The following SORCS3 variants were observed in gnomAD, a reference collection of about 807,000 sequenced individuals.
SORCS3 encodes the protein VPS10 domain-containing receptor SorCS3.
A neutral mutation model predicts 146.3 loss-of-function variants in SORCS3; 57 were observed. The observed-to-expected ratio is 0.39, with a 90% CI of 0.31 to 0.49. The LOEUF (loss-of-function observed/expected upper bound fraction) is 0.49. Among genes scored for constraint, SORCS3 ranks in the 20% least tolerant of loss-of-function variants. SORCS3 has a pLI of 0.92. For synonymous variants in SORCS3, 653 were observed against 618.5 expected (o/e 1.06, Z -0.83); for missense variants, 1,341 against 1,575.5 (o/e 0.85, Z 2.52).
intron 10 of SORCS3, among the ~76,000 whole-genome samples, chr10:105,157,744 T>G (rs1196850389): frequency 6.6e-6 from 1 of 152,120 alleles, no homozygotes; most frequent in African/African-American, 2.4e-5. Flanking sequence ...AGGATTCCTG[T>G]TGTATGGGAT....
chr10:105,113,004 C>T (rs992526007), intron 7 of SORCS3, among the ~76,000 whole-genome samples: 3 of 152,206 alleles, frequency 2.0e-5, no homozygotes, highest in Non-Finnish European at 4.4e-5. Flanking sequence ...CGTCCTTTCC[C>T]ACCCTTATGT....
intron 3 of SORCS3, among the ~76,000 whole-genome samples, chr10:104,948,288 G>T (rs188809165): frequency 1.1e-3 from 169 of 152,256 alleles, no homozygotes; most frequent in Non-Finnish European, 2.2e-3. Context: ...AGTTGCAAAG[G>T]GTAGTGTGCA....
In SORCS3 at chr10:105,243,461, GCTTGACTTCATCTCTCTT is replaced by G. The variant is rs574610840; in HGVS notation, c.2869-2078_2869-2061del. ...ATGGCCCTGAGCTATGCTCAGCCCA[GCTTGACTTCATCTCTCTT>G]CTCCAAACAGGACCATAAACAGCCA... is the stretch of plus-strand genomic sequence containing the variant. On this transcript the variant is annotated intron_variant, in intron 20 of 26. Transcript: ENST00000369701. Among the ~76,000 whole-genome samples the G allele has an allele frequency of 1.6e-4, 24 of 152,240 alleles. 1 individual carries two copies. The South Asian group carries it at 5.0e-3, about 32-fold the overall frequency.
intron 16 of SORCS3, among the ~76,000 whole-genome samples, chr10:105,203,271 T>C (rs1245491315): frequency 6.6e-6 from 1 of 152,214 alleles, no homozygotes; most frequent in African/African-American, 2.4e-5. Context: ...TGTGACCATT[T>C]TGAGCCCTTG....
chr10:105,046,254 A>G (rs2055370851), intron 5 of SORCS3, among the ~76,000 whole-genome samples: 1 of 152,120 alleles, frequency 6.6e-6, no homozygotes, highest in East Asian at 1.9e-4. Context: ...CAGAAGAAAT[A>G]TTACAAATAA....
At chr10:104,986,524 G>T (rs944950409) in intron 4 of SORCS3, among the ~76,000 whole-genome samples, 2 of 152,174 alleles carry the variant, frequency 1.3e-5, no homozygotes, top group Admixed American at 1.3e-4. Context: ...CAATGTGGCT[G>T]TTTGGCGCAA....
At chr10:105,255,907 T>C (rs1214011329) in intron 24 of SORCS3, 106 bp downstream of exon 24, 19 of 874,964 alleles carry the variant, frequency 2.2e-5, no homozygotes. Flanking sequence ...TGAAAGTGGC[T>C]TTGTAGAAGG....
intron 25 of SORCS3, 76 bp downstream of exon 25, chr10:105,257,000 T>C (rs2056935574): frequency 9.8e-7 from 1 of 1,015,308 alleles, no homozygotes; most frequent in South Asian, 1.3e-5. Context: ...CTAACTTTAC[T>C]AAACTCATCG....
chr10:104,709,940 A>T (rs1360195834), intron 1 of SORCS3, among the ~76,000 whole-genome samples: 1 of 151,368 alleles, frequency 6.6e-6, no homozygotes, highest in African/African-American at 2.4e-5. Flanking sequence ...ACCTTTGCTG[A>T]ATTTTCCCTT....
At chr10:104,896,038 C>T (rs959068251) in intron 2 of SORCS3, among the ~76,000 whole-genome samples, 1 of 152,088 alleles carries the variant, frequency 6.6e-6, no homozygotes, top group African/African-American at 2.4e-5. Flanking sequence ...ATTTTTCTTC[C>T]ATTTCTCTTT....
chr10:105,252,687 C>T, intron 22 of SORCS3, 88 bp from the exon 23 acceptor site: 1 of 1,518,936 alleles, frequency 6.6e-7, no homozygotes, highest in Non-Finnish European at 9.0e-7. Flanking sequence ...CTCACATGAG[C>T]CATCTGGCTG....
At chr10:104,897,733 G>A (rs923665932) in intron 2 of SORCS3, among the ~76,000 whole-genome samples, 1 of 152,184 alleles carries the variant, frequency 6.6e-6, no homozygotes, top group African/African-American at 2.4e-5. Context: ...TGTGAGTGCA[G>A]AATATAGTCT....
At chr10:105,227,232 G>T (rs1168195378) in intron 20 of SORCS3, among the ~76,000 whole-genome samples, 1 of 151,804 alleles carries the variant, frequency 6.6e-6, no homozygotes, top group Non-Finnish European at 1.5e-5. Flanking sequence ...TATCTCATAG[G>T]TTGTGGTATG....
chr10:105,164,445 A>G (rs2056295514), intron 12 of SORCS3, 66 bp downstream of exon 12: 2 of 1,076,210 alleles, frequency 1.9e-6, no homozygotes, highest in Non-Finnish European at 2.9e-6. Flanking sequence ...CTCTCTCTCC[A>G]TCCTATAGAT....
intron 5 of SORCS3, among the ~76,000 whole-genome samples, chr10:105,072,083 G>A (rs1416183822): frequency 6.6e-6 from 1 of 152,154 alleles, no homozygotes; most frequent in East Asian, 1.9e-4. Flanking sequence ...AGATTCCTGG[G>A]AAGTGCTGGC....
chr10:104,913,710 A>T (rs931747439), intron 2 of SORCS3, among the ~76,000 whole-genome samples: 1 of 150,130 alleles, frequency 6.7e-6, no homozygotes, highest in Non-Finnish European at 1.5e-5. Context: ...GAGGTTTCCC[A>T]TGTCTTATAT....
At chr10:105,127,394 G>T (rs778685786) in intron 7 of SORCS3, among the ~76,000 whole-genome samples, 5 of 152,102 alleles carry the variant, frequency 3.3e-5, no homozygotes, top group Admixed American at 6.6e-5. Context: ...AAAGTGAAAA[G>T]AGCCTGGAGT....
At chr10:104,785,924 G>C (rs955460945) in intron 1 of SORCS3, among the ~76,000 whole-genome samples, 1 of 152,196 alleles carries the variant, frequency 6.6e-6, no homozygotes, top group Non-Finnish European at 1.5e-5. Context: ...GAGAGGTAGC[G>C]CATGGACCTG....
At chr10:104,855,392 A>G (rs1176757723) in intron 2 of SORCS3, among the ~76,000 whole-genome samples, 1 of 152,064 alleles carries the variant, frequency 6.6e-6, no homozygotes, top group African/African-American at 2.4e-5. Context: ...GTTTTGTTAA[A>G]CCTATAAGTG....
Sources: gnomAD v4.1 joint callset for allele counts (sites outside exome capture counted in the v4.1 genomes callset) on GRCh38, gnomAD v4.1.1 for gene constraint, MANE v1.5 for transcripts, NCBI Gene and HGNC (gene_info 2026-07-23, HGNC 2026-07-21) for gene names.